Variants in COL4A2 observed in about 807,000 individuals in gnomAD.
The protein encoded by COL4A2 is collagen alpha-2(IV) chain.
Under a neutral mutation model 200.2 loss-of-function variants are expected in COL4A2, and 99 were observed. The observed-to-expected ratio is 0.49, with a 90% CI of 0.42 to 0.58. COL4A2 has a LOEUF of 0.58. Among genes scored for constraint, COL4A2 ranks in the 20% least tolerant of loss-of-function variants. COL4A2 has a pLI of 0.00. For synonymous variants in COL4A2, 897 were observed against 900.6 expected, an observed-to-expected ratio of 1.00 and a Z score of 0.07; for missense variants, 1,950 against 2,314.1, an observed-to-expected ratio of 0.84 and a Z score of 3.23.
In COL4A2 at chr13:110,419,483, C is replaced by T. The variant is rs192017353; in HGVS notation, c.181-5251C>T. ...TGATGTGGGGCCCTGATGCGTCATCCATCTGTCCACCTTTGTTTAAGTCTG... is the reference window on the plus strand; with the variant it reads ...TGATGTGGGGCCCTGATGCGTCATCTATCTGTCCACCTTTGTTTAAGTCTG... On this transcript the variant is annotated intron_variant, in intron 4 of 47. Transcript: ENST00000360467. Among the ~76,000 whole-genome samples, 259 of 152,312 alleles carry T rather than the reference C, an allele frequency of 1.7e-3. 4 individuals are homozygous for T. Among genetic ancestry groups the T allele is most frequent in the Non-Finnish European group, 2.2e-3 (148 of 68,026 alleles).
rs558702498 is a variant in COL4A2 at position 110,418,376 on chromosome 13, ACTTTTT to A, written c.181-6352_181-6347del. Among the ~76,000 whole-genome samples the A allele has an allele frequency of 6.1e-3, 933 of 152,304 alleles. 6 individuals are homozygous for A. The highest frequency in any genetic ancestry group is 9.2e-3 in the Non-Finnish European group (623 of 68,024). On this transcript the variant is annotated intron_variant, in intron 4 of 47. Coordinates refer to ENST00000360467, the MANE Select transcript of COL4A2 (RefSeq NM_001846.4). ...CAATCAAACTTTTTAAATCTAGCTA[ACTTTTT>A]CTTTTATAGGTTGTAATCTTTGTGT...
intron 4 of COL4A2, among the ~76,000 whole-genome samples, chr13:110,373,887 C>G (rs1444838059): frequency 6.6e-6 from 1 of 152,210 alleles, no homozygotes; most frequent in African/African-American, 2.4e-5. Context: ...TTTCTTTTTA[C>G]CCCCTTTTGG....
chr13:110,393,826 C>A (rs916302799), intron 4 of COL4A2, among the ~76,000 whole-genome samples: 5 of 152,128 alleles, frequency 3.3e-5, no homozygotes, highest in Non-Finnish European at 7.3e-5. Context: ...TTACAGGGAG[C>A]CGAGATCGCA....
chr13:110,391,075 G>C (rs1373583298), intron 4 of COL4A2, among the ~76,000 whole-genome samples: 2 of 152,102 alleles, frequency 1.3e-5, no homozygotes, highest in East Asian at 3.9e-4. Flanking sequence ...CCTCATTCAT[G>C]AAAAAATGCG....
At chr13:110,494,720 A>G (rs1188567586) in intron 39 of COL4A2, among the ~76,000 whole-genome samples, 1 of 151,034 alleles carries the variant, frequency 6.6e-6, no homozygotes, top group Non-Finnish European at 1.5e-5. Flanking sequence ...AAAAAAAATT[A>G]ACACATTTAA....
At chr13:110,424,442 G>C (rs952682588) in intron 4 of COL4A2, among the ~76,000 whole-genome samples, 1 of 37,952 alleles carries the variant, frequency 2.6e-5, no homozygotes, top group Non-Finnish European at 6.6e-5. Flanking sequence ...ACCTTAAAAA[G>C]AACCCAAATA....
chr13:110,348,961 C>G (rs180779361), intron 3 of COL4A2, among the ~76,000 whole-genome samples: 2 of 152,214 alleles, frequency 1.3e-5, no homozygotes, highest in African/African-American at 4.8e-5. Context: ...TTTGTTCTTG[C>G]GATTCATATA....
chr13:110,310,831 T>G (rs775212844), intron 3 of COL4A2, among the ~76,000 whole-genome samples: 27 of 152,188 alleles, frequency 1.8e-4, no homozygotes, highest in Non-Finnish European at 2.8e-4. Context: ...ATGCTTCTAA[T>G]CCTCACAAGC....
At chr13:110,438,291 C>T (rs763703813) in intron 14 of COL4A2, among the ~76,000 whole-genome samples, 3 of 152,348 alleles carry the variant, frequency 2.0e-5, no homozygotes, top group Admixed American at 6.5e-5. Flanking sequence ...ATGGAGATGG[C>T]GGAGGGGCGT....
chr13:110,485,882 C>T (rs760326639), intron 34 of COL4A2, 46 bp downstream of exon 34: 1 of 1,602,198 alleles, frequency 6.2e-7, no homozygotes, highest in Admixed American at 1.8e-5. Context: ...GCTCCTCTCC[C>T]CTTTGCTTGT....
chr13:110,332,584 G>C (rs1875975876), intron 3 of COL4A2, among the ~76,000 whole-genome samples: 1 of 152,160 alleles, frequency 6.6e-6, no homozygotes, highest in Admixed American at 6.6e-5. Context: ...ATTGATGGTG[G>C]TACATGATGT....
intron 4 of COL4A2, among the ~76,000 whole-genome samples, chr13:110,415,960 A>G (rs1406325085): frequency 2.0e-5 from 3 of 152,258 alleles, no homozygotes; most frequent in African/African-American, 7.2e-5. Flanking sequence ...AATACCAGGA[A>G]AATATTGGCA....
At chr13:110,359,225 C>T (rs1406269679) in intron 4 of COL4A2, among the ~76,000 whole-genome samples, 1 of 152,144 alleles carries the variant, frequency 6.6e-6, no homozygotes, top group Non-Finnish European at 1.5e-5. Flanking sequence ...TGAAATATTG[C>T]CCTGATATTG....
chr13:110,376,425 A>G (rs573205019), intron 4 of COL4A2, among the ~76,000 whole-genome samples: 21 of 152,124 alleles, frequency 1.4e-4, no homozygotes, highest in African/African-American at 5.1e-4. Context: ...CTTGATTTGT[A>G]TTCTTGGTAG....
At chr13:110,455,238 C>A (rs772942736) in intron 20 of COL4A2, among the ~76,000 whole-genome samples, 2 of 152,148 alleles carry the variant, frequency 1.3e-5, no homozygotes, top group Non-Finnish European at 2.9e-5. Flanking sequence ...AAGCCAAGTC[C>A]GGTTTCTTCC....
chr13:110,445,371 T>C (rs949642653), intron 16 of COL4A2, among the ~76,000 whole-genome samples: 5 of 152,126 alleles, frequency 3.3e-5, no homozygotes, highest in Non-Finnish European at 7.4e-5. Context: ...TGATCCCTGC[T>C]GAAAAGGGGA....
chr13:110,453,492 A>T (rs1246014406), intron 20 of COL4A2, among the ~76,000 whole-genome samples: 1 of 151,948 alleles, frequency 6.6e-6, no homozygotes, highest in Non-Finnish European at 1.5e-5. Flanking sequence ...CAAGAGCAAA[A>T]CTCCATCTCA....
chr13:110,386,472 T>C (rs757813748), intron 4 of COL4A2, among the ~76,000 whole-genome samples: 3 of 152,300 alleles, frequency 2.0e-5, no homozygotes, highest in Middle Eastern at 3.4e-3. Flanking sequence ...AGCCATGCAA[T>C]TGGGTGTATC....
intron 16 of COL4A2, among the ~76,000 whole-genome samples, chr13:110,445,312 G>A (rs116939488): frequency 3.9e-5 from 6 of 152,162 alleles, no homozygotes; most frequent in African/African-American, 7.2e-5. Context: ...AAAGCAACCC[G>A]ACACTCATAT....
Sources: allele counts gnomAD v4.1 joint callset (sites outside exome capture counted in the v4.1 genomes callset), GRCh38; gene constraint gnomAD v4.1.1; transcripts MANE v1.5; gene names NCBI Gene and HGNC (gene_info 2026-07-23, HGNC 2026-07-21).